The following MACROD2 variants were observed in gnomAD, a reference collection of about 807,000 sequenced individuals.
MACROD2 encodes the protein ADP-ribose glycohydrolase MACROD2.
MACROD2 carries 36 observed loss-of-function variants against 70.4 expected under a neutral mutation model. The observed-to-expected ratio is 0.51, with a 90% CI of 0.39 to 0.68. MACROD2 has a LOEUF of 0.68. Ranked by LOEUF, MACROD2 falls within the 30% of genes least tolerant of loss-of-function variation. The probability of loss-of-function intolerance (pLI) is 0.00; values close to 1 mark genes in which losing one functional copy is unlikely to be tolerated. For missense variants in MACROD2, 496 were observed against 538.4 expected, an observed-to-expected ratio of 0.92 and a Z score of 0.78; for synonymous variants, 172 against 178.8, an observed-to-expected ratio of 0.96 and a Z score of 0.30.
chr20:14,705,681 T>C (rs113105512), intron 5 of MACROD2, among the ~76,000 whole-genome samples: 2,269 of 152,316 alleles, frequency 0.015, 54 homozygotes, highest in African/African-American at 0.052. Context: ...GGAATAAAAA[T>C]GTGTTGGGAA....
intron 3 of MACROD2, among the ~76,000 whole-genome samples, chr20:14,315,796 G>A (rs896439553): frequency 3.3e-5 from 5 of 152,154 alleles, no homozygotes; most frequent in African/African-American, 1.2e-4. Flanking sequence ...ACAATTAAAT[G>A]TTGGTACACA....
chr20:15,874,637 G>T (rs1253049308), intron 9 of MACROD2, among the ~76,000 whole-genome samples: 1 of 152,068 alleles, frequency 6.6e-6, no homozygotes, highest in Non-Finnish European at 1.5e-5. Flanking sequence ...TCTCATTGTG[G>T]TTTCAATTTG....
At chr20:15,755,019 C>G (rs971431120) in intron 8 of MACROD2, among the ~76,000 whole-genome samples, 1 of 152,070 alleles carries the variant, frequency 6.6e-6, no homozygotes. Flanking sequence ...CCACCACAGC[C>G]AGCTAATTTT....
chr20:14,038,461 G>C (rs2053347964), intron 2 of MACROD2, among the ~76,000 whole-genome samples: 2 of 152,194 alleles, frequency 1.3e-5, no homozygotes, highest in Admixed American at 6.5e-5. Flanking sequence ...AGAGAAGTTA[G>C]AGAACTTGCC....
intron 5 of MACROD2, among the ~76,000 whole-genome samples, chr20:14,978,277 A>G (rs2074760714): frequency 6.6e-6 from 1 of 152,174 alleles, no homozygotes; most frequent in Non-Finnish European, 1.5e-5. Flanking sequence ...TCTATTCAGT[A>G]CTAAATTATT....
intron 6 of MACROD2, among the ~76,000 whole-genome samples, chr20:15,413,000 A>G (rs2146327128): frequency 6.6e-6 from 1 of 152,350 alleles, no homozygotes; most frequent in South Asian, 2.1e-4. Context: ...AAAATACTGC[A>G]TATTATCATT....
At chr20:14,061,475 A>G (rs1167075328) in intron 2 of MACROD2, among the ~76,000 whole-genome samples, 1 of 152,114 alleles carries the variant, frequency 6.6e-6, no homozygotes, top group African/African-American at 2.4e-5. Context: ...TTATGGTTTC[A>G]CATATCAGTA....
At chr20:14,363,682 G>C (rs1568577822) in intron 3 of MACROD2, among the ~76,000 whole-genome samples, 1 of 77,908 alleles carries the variant, frequency 1.3e-5, no homozygotes, top group Non-Finnish European at 3.4e-5. Flanking sequence ...TTAGCCGGGC[G>C]CGGTGGCGCC....
intron 5 of MACROD2, among the ~76,000 whole-genome samples, chr20:14,992,114 A>G (rs2074909812): frequency 6.6e-6 from 1 of 152,196 alleles, no homozygotes; most frequent in African/African-American, 2.4e-5. Flanking sequence ...TAAGTCTAGA[A>G]TTTATTTGAG....
intron 5 of MACROD2, among the ~76,000 whole-genome samples, chr20:14,965,449 T>TTTTC: frequency 1.4e-5 from 2 of 146,590 alleles, no homozygotes; most frequent in Non-Finnish European, 3.0e-5. Context: ...AGTTATTTTT[T>TTTTC]TTTCTTTTTT....
intron 10 of MACROD2, among the ~76,000 whole-genome samples, chr20:15,931,049 C>G (rs1322988563): frequency 6.6e-6 from 1 of 152,210 alleles, no homozygotes; most frequent in Non-Finnish European, 1.5e-5. Flanking sequence ...GTTAAAAGGT[C>G]TGTCTTTTGA....
At chr20:14,692,670 A>C (rs2071077787) in intron 5 of MACROD2, among the ~76,000 whole-genome samples, 1 of 152,192 alleles carries the variant, frequency 6.6e-6, no homozygotes, top group Non-Finnish European at 1.5e-5. Context: ...TGATTCCAGG[A>C]ATCTGCAGAG....
At chr20:14,632,318 A>G (rs1237246247) in intron 4 of MACROD2, among the ~76,000 whole-genome samples, 2 of 152,190 alleles carry the variant, frequency 1.3e-5, no homozygotes, top group East Asian at 3.8e-4. Flanking sequence ...CATGTAAGGA[A>G]ATATTTAAGA....
At chr20:14,480,242 C>G (rs1376859441) in intron 3 of MACROD2, among the ~76,000 whole-genome samples, 2 of 152,136 alleles carry the variant, frequency 1.3e-5, no homozygotes, top group Admixed American at 1.3e-4. Flanking sequence ...AGAACAGCCA[C>G]AAACAGTGAC....
At chr20:15,806,905 T>C (rs1184797256) in intron 8 of MACROD2, among the ~76,000 whole-genome samples, 1 of 152,094 alleles carries the variant, frequency 6.6e-6, no homozygotes, top group Non-Finnish European at 1.5e-5. Context: ...AAAAGAACAA[T>C]AATTTCCTAG....
chr20:15,240,076 T>C (rs2077048164), intron 6 of MACROD2, among the ~76,000 whole-genome samples: 1 of 152,174 alleles, frequency 6.6e-6, no homozygotes. Flanking sequence ...AATGAGACTA[T>C]AATGAGTATC....
chr20:14,937,188 A>AG (rs2074347407), intron 5 of MACROD2, among the ~76,000 whole-genome samples: 1 of 151,768 alleles, frequency 6.6e-6, no homozygotes, highest in African/African-American at 2.4e-5. Flanking sequence ...GGAAAGGTGG[A>AG]GGTAGGGGTG....
At chr20:14,396,186 A>G (rs2083577908) in intron 3 of MACROD2, among the ~76,000 whole-genome samples, 1 of 152,228 alleles carries the variant, frequency 6.6e-6, no homozygotes. Context: ...GTGCACTTGA[A>G]AAACATTTGT....
intron 3 of MACROD2, among the ~76,000 whole-genome samples, chr20:14,280,990 C>G (rs901458316): frequency 6.6e-6 from 1 of 151,962 alleles, no homozygotes; most frequent in Non-Finnish European, 1.5e-5. Context: ...TTATTGAGGC[C>G]CCCAAACAGC....
Sources: gnomAD v4.1 joint callset for allele counts (sites outside exome capture counted in the v4.1 genomes callset) on GRCh38, gnomAD v4.1.1 for gene constraint, MANE v1.5 for transcripts, NCBI Gene and HGNC (gene_info 2026-07-23, HGNC 2026-07-21) for gene names.